The following SEC23B variants were observed in gnomAD, a reference collection of about 807,000 sequenced individuals.
The protein encoded by SEC23B is SEC23 homolog B, COPII component.
Under a neutral mutation model 104.3 loss-of-function variants are expected in SEC23B, and 77 were observed. That is an observed-to-expected ratio of 0.74 (90% CI 0.61 to 0.89). The LOEUF (loss-of-function observed/expected upper bound fraction) is 0.89. SEC23B is among the 40% of genes least tolerant of loss of function. SEC23B has a pLI of 0.00. For missense variants in SEC23B, 885 were observed against 949.4 expected, an observed-to-expected ratio of 0.93 and a Z score of 0.89; for synonymous variants, 338 against 332.5, an observed-to-expected ratio of 1.02 and a Z score of -0.18.
intron 3 of SEC23B, among the ~76,000 whole-genome samples, chr20:18,513,477 A>C (rs1011520495): frequency 1.3e-5 from 2 of 152,240 alleles, no homozygotes; most frequent in Non-Finnish European, 2.9e-5. Context: ...ATGTTGCGTA[A>C]ACTATACCTC....
intron 11 of SEC23B, among the ~76,000 whole-genome samples, chr20:18,533,684 T>C (rs532350486): frequency 2.0e-5 from 3 of 152,288 alleles, no homozygotes; most frequent in South Asian, 2.1e-4. Context: ...AATTAAACTT[T>C]TGTTGAGCTT....
intron 14 of SEC23B, among the ~76,000 whole-genome samples, chr20:18,543,796 G>A (rs2060309802): frequency 6.6e-6 from 1 of 152,200 alleles, no homozygotes; most frequent in Non-Finnish European, 1.5e-5. Flanking sequence ...GTGGTGCTGT[G>A]CCAGGGGAAC....
In SEC23B at chr20:18,539,168, C is replaced by T. The variant is rs1416780906; in HGVS notation, c.1405-3128C>T. 5.4e-5 allele frequency among the ~76,000 whole-genome samples: 8 copies of T among 147,710 alleles called. No individual in the cohort carries two copies. In the East Asian group the frequency reaches 6.1e-4, roughly 11 times the overall value. On this transcript the variant is annotated intron_variant, in intron 12 of 19. Coordinates refer to ENST00000650089, the MANE Select transcript of SEC23B (RefSeq NM_006363.6). ...TGGAGGTTGCAGTGAGCCGAGATTG[C>T]GCCACTGCACTCCAGCCTGGGAGAC...
chr20:18,527,447 T>G, intron 8 of SEC23B, 49 bp from the exon 9 acceptor site: 2 of 1,024,090 alleles, frequency 2.0e-6, no homozygotes, highest in Non-Finnish European at 3.1e-6. Flanking sequence ...CAGGCATACC[T>G]TGGGAATAAT....
chr20:18,558,160 A>C (rs537844793), intron 19 of SEC23B, among the ~76,000 whole-genome samples: 1 of 152,186 alleles, frequency 6.6e-6, no homozygotes. Context: ...TTTTCTCTGC[A>C]TATAGGATTC....
intron 16 of SEC23B, 122 bp from the exon 17 acceptor site, chr20:18,550,967 G>T: frequency 2.7e-6 from 2 of 749,764 alleles, no homozygotes; most frequent in Non-Finnish European, 4.9e-6. Context: ...TTACTGTGCT[G>T]GGCACCATTT....
At chr20:18,530,622 G>C (rs2060175581) in intron 9 of SEC23B, 58 bp from the exon 10 acceptor site, 1 of 1,588,242 alleles carries the variant, frequency 6.3e-7, no homozygotes, top group Non-Finnish European at 8.6e-7. Context: ...TACTGAGGGA[G>C]CATCTGAATG....
chr20:18,545,081 C>T (rs1240109127), intron 14 of SEC23B, among the ~76,000 whole-genome samples: 1 of 151,856 alleles, frequency 6.6e-6, no homozygotes, highest in Non-Finnish European at 1.5e-5. Context: ...ACGAAAACTC[C>T]CATATTTGGG....
chr20:18,551,949 G>C (rs1428977123), intron 17 of SEC23B, among the ~76,000 whole-genome samples: 1 of 152,066 alleles, frequency 6.6e-6, no homozygotes, highest in African/African-American at 2.4e-5. Context: ...GGAACTTTAC[G>C]CTGTGTCTGT....
Position 18,535,717 on chromosome 20 carries a change from G to T in SEC23B, c.1379G>T (p.Gly460Val), listed in dbSNP as rs758780875. 6.2e-7 allele frequency: 1 copy of T among 1,613,962 alleles called. No homozygotes were observed. Among genetic ancestry groups the T allele is most frequent in the South Asian group, 1.1e-5 (1 of 91,068 alleles). Residue 460 changes from glycine to valine, a missense_variant, in exon 12 of 20, where the codon GGC becomes GTC. Gly to Val is a moderately radical substitution (Grantham distance 109). Transcript: ENST00000650089. ...GGCCTAGATCCTACATCTACACTTG[G>T]CATCTATTTTGAAGTTGTCAATCAG... ...ICGLDPTSTL[G>V]IYFEVVNQHN...
At chr20:18,516,633 G>C (rs1030680297) in intron 4 of SEC23B, among the ~76,000 whole-genome samples, 7 of 150,468 alleles carry the variant, frequency 4.7e-5, no homozygotes, top group Admixed American at 3.3e-4. Context: ...CTCACTGCAA[G>C]CTCTGCCTCT....
At chr20:18,509,000 C>T (rs1360329601) in intron 1 of SEC23B, among the ~76,000 whole-genome samples, 2 of 152,136 alleles carry the variant, frequency 1.3e-5, no homozygotes, top group Non-Finnish European at 2.9e-5. Context: ...GGATTACAGG[C>T]GTGAGCCACC....
intron 11 of SEC23B, among the ~76,000 whole-genome samples, chr20:18,535,452 A>C (rs927394334): frequency 2.6e-5 from 4 of 152,216 alleles, no homozygotes; most frequent in Non-Finnish European, 5.9e-5. Flanking sequence ...TAATATAAAA[A>C]GCTTAATTTT....
At chr20:18,555,040 T>G (rs2060423008) in intron 18 of SEC23B, 68 bp from the exon 19 acceptor site, 1 of 1,422,032 alleles carries the variant, frequency 7.0e-7, no homozygotes, top group Non-Finnish European at 9.9e-7. Flanking sequence ...ACTTATCTTT[T>G]TTCTGTTACA....
chr20:18,512,327 T>G, intron 3 of SEC23B, 45 bp downstream of exon 3: 1 of 1,268,446 alleles, frequency 7.9e-7, no homozygotes, highest in Non-Finnish European at 1.1e-6. Context: ...TTATTTTAGT[T>G]GTATTATGAA....
chr20:18,520,742 G>T (rs2060075160), intron 4 of SEC23B, among the ~76,000 whole-genome samples: 1 of 151,980 alleles, frequency 6.6e-6, no homozygotes, highest in Non-Finnish European at 1.5e-5. Flanking sequence ...AATGTGGAGT[G>T]GGTAGCCTCT....
chr20:18,512,705 A>G (rs1326483087), intron 3 of SEC23B, among the ~76,000 whole-genome samples: 1 of 152,296 alleles, frequency 6.6e-6, no homozygotes, highest in East Asian at 1.9e-4. Context: ...TAAAAATTTT[A>G]AAAGTACCAA....
At chr20:18,554,470 T>C (rs2060417462) in intron 18 of SEC23B, 80 bp downstream of exon 18, 5 of 1,502,492 alleles carry the variant, frequency 3.3e-6, no homozygotes, top group Non-Finnish European at 4.6e-6. Context: ...AACAGGATGG[T>C]TAATATTTTA....
intron 11 of SEC23B, among the ~76,000 whole-genome samples, chr20:18,534,961 T>C (rs769373722): frequency 4.6e-5 from 7 of 152,124 alleles, no homozygotes; most frequent in Non-Finnish European, 1.0e-4. Context: ...CAGCAGATAA[T>C]AAACACCTGC....
Sources: gnomAD v4.1 joint callset for allele counts (sites outside exome capture counted in the v4.1 genomes callset) on GRCh38, gnomAD v4.1.1 for gene constraint, MANE v1.5 for transcripts, NCBI Gene and HGNC (gene_info 2026-07-23, HGNC 2026-07-21) for gene names.